Variants in GNAO1 observed in about 807,000 individuals in gnomAD.
GNAO1 encodes the protein G protein subunit alpha o1.
For synonymous variants in GNAO1, 164 were observed against 180.7 expected (o/e 0.91, Z 0.74); for missense variants, 166 against 478.7 (o/e 0.35, Z 6.10).
intron 3 of GNAO1, among the ~76,000 whole-genome samples, chr16:56,301,345 G>A (rs1294320940): frequency 6.6e-6 from 1 of 152,174 alleles, no homozygotes; most frequent in African/African-American, 2.4e-5. Context: ...TCAAAGAAAG[G>A]CCTTACAGAA....
At chr16:56,233,662 C>T (rs1315122962) in intron 2 of GNAO1, among the ~76,000 whole-genome samples, 1 of 152,220 alleles carries the variant, frequency 6.6e-6, no homozygotes, top group African/African-American at 2.4e-5. Context: ...TTACTACAGG[C>T]AGGTCTGTGT....
At chr16:56,251,367 A>G (rs1596821244) in intron 2 of GNAO1, among the ~76,000 whole-genome samples, 1 of 152,240 alleles carries the variant, frequency 6.6e-6, no homozygotes, top group Non-Finnish European at 1.5e-5. Context: ...AACTTCTACA[A>G]GTGAAATCAA....
At chr16:56,211,482 G>A (rs2061782) in intron 2 of GNAO1, among the ~76,000 whole-genome samples, 21,281 of 152,060 alleles carry the variant, frequency 0.14, 1,997 homozygotes, top group African/African-American at 0.26. Flanking sequence ...CCTCTATTAA[G>A]GCTCTGCTAG....
At chr16:56,295,748 A>C (rs2037281915) in intron 3 of GNAO1, among the ~76,000 whole-genome samples, 1 of 152,202 alleles carries the variant, frequency 6.6e-6, no homozygotes, top group African/African-American at 2.4e-5. Context: ...CTCCTCACCA[A>C]GGTGGTCTCC....
chr16:56,285,884 A>G (rs1212038644), intron 3 of GNAO1, among the ~76,000 whole-genome samples: 1 of 152,150 alleles, frequency 6.6e-6, no homozygotes, highest in Non-Finnish European at 1.5e-5. Flanking sequence ...CTGGGACCTC[A>G]TTTGGTCCAA....
At chr16:56,352,788 T>G (rs1384124629) in intron 7 of GNAO1, 1 of 152,324 alleles carries the variant, frequency 6.6e-6, no homozygotes, top group Admixed American at 6.5e-5. Context: ...CTTCCCAAGG[T>G]GCAGAGCAGG....
At chr16:56,336,435 G>T in intron 5 of GNAO1, 1 of 283,174 alleles carries the variant, frequency 3.5e-6, no homozygotes, top group South Asian at 5.4e-5. Flanking sequence ...ACTTCCTGGG[G>T]GTGGCTCAGG....
intron 6 of GNAO1, among the ~76,000 whole-genome samples, chr16:56,343,278 T>C (rs1488413756): frequency 6.6e-6 from 1 of 150,926 alleles, no homozygotes; most frequent in African/African-American, 2.4e-5. Flanking sequence ...CACTTGAGCT[T>C]AGGAATTCAG....
At chr16:56,249,017 C>T (rs184594745) in intron 2 of GNAO1, among the ~76,000 whole-genome samples, 3 of 152,090 alleles carry the variant, frequency 2.0e-5, no homozygotes, top group Non-Finnish European at 2.9e-5. Context: ...TCTACTAGGC[C>T]GCACAAATTC....
chr16:56,331,719 C>A (rs966942279), intron 4 of GNAO1, among the ~76,000 whole-genome samples: 1 of 152,178 alleles, frequency 6.6e-6, no homozygotes, highest in Non-Finnish European at 1.5e-5. Context: ...CCTCTCAAGG[C>A]CTGGTGCCTG....
intron 4 of GNAO1, chr16:56,329,240 C>T (rs1418462027): frequency 6.5e-6 from 1 of 153,744 alleles, no homozygotes; most frequent in African/African-American, 2.4e-5. Flanking sequence ...CATTCCCCAT[C>T]TTTAAAATTA....
chr16:56,298,023 T>C (rs916661049), intron 3 of GNAO1, among the ~76,000 whole-genome samples: 1 of 151,892 alleles, frequency 6.6e-6, no homozygotes, highest in Non-Finnish European at 1.5e-5. Flanking sequence ...AAATAAAAAA[T>C]TAGCCAGCCA....
chr16:56,313,172 G>C (rs2037476382), intron 3 of GNAO1, among the ~76,000 whole-genome samples: 1 of 152,184 alleles, frequency 6.6e-6, no homozygotes, highest in Non-Finnish European at 1.5e-5. Context: ...CTCATTCGGT[G>C]ATGCAGGACT....
At chr16:56,318,655 A>G (rs1252630910) in intron 3 of GNAO1, among the ~76,000 whole-genome samples, 1 of 152,214 alleles carries the variant, frequency 6.6e-6, no homozygotes, top group Admixed American at 6.5e-5. Flanking sequence ...GATGGAGGAA[A>G]GCTCTGAATG....
At chr16:56,211,726 G>T (rs1464051905) in intron 2 of GNAO1, among the ~76,000 whole-genome samples, 2 of 152,184 alleles carry the variant, frequency 1.3e-5, no homozygotes, top group African/African-American at 2.4e-5. Context: ...TTATACAGTG[G>T]CCTAGAGAGA....
chr16:56,324,490 G>A (rs555105973), intron 3 of GNAO1, among the ~76,000 whole-genome samples: 14 of 152,370 alleles, frequency 9.2e-5, no homozygotes, highest in Non-Finnish European at 8.8e-5. Context: ...AGATGGGAAA[G>A]TACCCCAAGA....
intron 2 of GNAO1, among the ~76,000 whole-genome samples, chr16:56,204,486 C>G (rs1171286138): frequency 2.6e-5 from 4 of 152,050 alleles, no homozygotes; most frequent in Admixed American, 2.0e-4. Flanking sequence ...AGGGAACCTT[C>G]CTTCAGTAGA....
At chr16:56,279,231 TCC>T (rs1368431372) in intron 3 of GNAO1, among the ~76,000 whole-genome samples, 2 of 152,058 alleles carry the variant, frequency 1.3e-5, no homozygotes, top group African/African-American at 4.8e-5. Context: ...GTCCCTGAGT[TCC>T]CCCGGCAGCT....
intron 2 of GNAO1, among the ~76,000 whole-genome samples, chr16:56,261,522 G>A (rs1431236248): frequency 6.6e-6 from 1 of 152,100 alleles, no homozygotes; most frequent in Non-Finnish European, 1.5e-5. Context: ...GAACAGGAAG[G>A]GAAAAATCAA....
Sources: gnomAD v4.1 joint callset for allele counts (sites outside exome capture counted in the v4.1 genomes callset) on GRCh38, gnomAD v4.1.1 for gene constraint, MANE v1.5 for transcripts, NCBI Gene and HGNC (gene_info 2026-07-23, HGNC 2026-07-21) for gene names.